The following ADGRB3 variants were observed in gnomAD, a reference collection of about 807,000 sequenced individuals.
The protein encoded by ADGRB3 is adhesion G protein-coupled receptor B3, also known as brain-specific angiogenesis inhibitor 3.
ADGRB3 carries 37 observed loss-of-function variants against 193.4 expected under a neutral mutation model. The observed-to-expected ratio is 0.19, with a 90% CI of 0.15 to 0.25. ADGRB3 has a LOEUF of 0.25. Among genes scored for constraint, ADGRB3 ranks in the 10% least tolerant of loss-of-function variants. The pLI, the probability that ADGRB3 is intolerant of heterozygous loss-of-function variation, is 1.00. For synonymous variants in ADGRB3, 690 were observed against 644.2 expected (o/e 1.07, Z -1.08); for missense variants, 1,637 against 1,852.9 (o/e 0.88, Z 2.14).
chr6:68,903,108 G>A (rs1766443419), intron 3 of ADGRB3, among the ~76,000 whole-genome samples: 1 of 152,114 alleles, frequency 6.6e-6, no homozygotes, highest in African/African-American at 2.4e-5. Context: ...TTTGACTTGA[G>A]CTCACTAGCA....
At chr6:69,267,459 C>T (rs1236599223) in intron 20 of ADGRB3, among the ~76,000 whole-genome samples, 4 of 152,132 alleles carry the variant, frequency 2.6e-5, no homozygotes, top group African/African-American at 9.7e-5. Flanking sequence ...ATCAAAAGTA[C>T]TGAGCTAGCA....
chr6:69,331,003 A>T (rs1005332922), intron 23 of ADGRB3, among the ~76,000 whole-genome samples: 1 of 152,126 alleles, frequency 6.6e-6, no homozygotes, highest in African/African-American at 2.4e-5. Flanking sequence ...TCTCGACCTC[A>T]GTGATACTGA....
chr6:68,943,932 G>T lies in ADGRB3; in HGVS notation c.1133G>T (p.Gly378Val). ...AGGTCATGCACACCTCCTCAGTATG[G>T]AGGAAGGCCGTGTGAAGGACCTGAA... ...RTRSCTPPQY[G>V]GRPCEGPETH... Residue 378 changes from glycine to valine, a missense_variant, in exon 6 of 32, where the codon GGA (glycine) becomes GTA (valine). Physicochemically the swap from Gly to Val is moderately radical, Grantham distance 109. Transcript: ENST00000370598. The T allele has an allele frequency of 6.2e-7, 1 of 1,613,966 alleles. No individual in the cohort carries two copies. Among genetic ancestry groups the T allele is most frequent in the Non-Finnish European group, 8.5e-7 (1 of 1,179,894 alleles).
At chr6:69,063,698 C>T (rs559744538) in intron 16 of ADGRB3, among the ~76,000 whole-genome samples, 2 of 152,098 alleles carry the variant, frequency 1.3e-5, no homozygotes, top group South Asian at 2.1e-4. Flanking sequence ...CAAAATCTTT[C>T]ATCTCAGAAT....
In ADGRB3 at chr6:68,777,303, T is replaced by C. The variant is rs564870183; in HGVS notation, c.757+137871T>C. Among the ~76,000 whole-genome samples, 16 of 152,254 alleles carry C rather than the reference T, an allele frequency of 1.1e-4. No homozygotes were observed. The South Asian group carries it at 2.9e-3, about 28-fold the overall frequency. ...ACTTGCACTATGATGCAATTAGCAA[T>C]TATCTTCAAACGTCAACATTTTGGT... is the stretch of plus-strand genomic sequence containing the variant. On this transcript the variant is annotated intron_variant, in intron 3 of 31. Transcript: ENST00000370598.
At chr6:69,172,854 T>G (rs1775319176) in intron 17 of ADGRB3, among the ~76,000 whole-genome samples, 1 of 151,758 alleles carries the variant, frequency 6.6e-6, no homozygotes, top group South Asian at 2.1e-4. Flanking sequence ...ATCCAGGCAC[T>G]CTGGGCTGAG....
chr6:68,997,063 G>T (rs2150276762), intron 11 of ADGRB3, among the ~76,000 whole-genome samples: 1 of 152,146 alleles, frequency 6.6e-6, no homozygotes, highest in East Asian at 1.9e-4. Flanking sequence ...ATTAAAAATG[G>T]CTGGTAATGT....
chr6:68,811,467 G>A (rs1767511276), intron 3 of ADGRB3, among the ~76,000 whole-genome samples: 1 of 151,962 alleles, frequency 6.6e-6, no homozygotes, highest in Non-Finnish European at 1.5e-5. Flanking sequence ...GATTCTTGGG[G>A]TTCGTTTGTT....
intron 3 of ADGRB3, among the ~76,000 whole-genome samples, chr6:68,710,816 A>G (rs1446761883): frequency 6.6e-6 from 1 of 152,110 alleles, no homozygotes; most frequent in African/African-American, 2.4e-5. Context: ...TTCAGCTGGC[A>G]TCTTTACGGG....
intron 17 of ADGRB3, among the ~76,000 whole-genome samples, chr6:69,167,871 G>T: frequency 6.6e-6 from 1 of 152,036 alleles, no homozygotes. Flanking sequence ...TTGCACTGGG[G>T]TGGTTCATGT....
Position 68,788,719 on chromosome 6 carries a change from C to G in ADGRB3, c.758-141840C>G, listed in dbSNP as rs565996596. ...ATTCCTGGGTATCCTTGTTAACTTT[C>G]TGTCTCTTTGATCTGTCTAACGTTG... On this transcript the variant is annotated intron_variant, in intron 3 of 31. Coordinates refer to ENST00000370598, the MANE Select transcript of ADGRB3 (RefSeq NM_001704.3). Among the ~76,000 whole-genome samples the G allele has an allele frequency of 2.0e-5, 3 of 152,286 alleles. No homozygotes were observed. In the South Asian group the frequency reaches 6.2e-4, roughly 32 times the overall value.
chr6:68,940,777 G>A (rs932765115), intron 5 of ADGRB3, among the ~76,000 whole-genome samples: 4 of 151,646 alleles, frequency 2.6e-5, no homozygotes, highest in Admixed American at 6.6e-5. Flanking sequence ...CTGTAATCCC[G>A]GCTAGTCAGG....
chr6:69,194,175 G>T (rs945435032), intron 17 of ADGRB3, among the ~76,000 whole-genome samples: 2 of 151,876 alleles, frequency 1.3e-5, no homozygotes, highest in African/African-American at 4.8e-5. Context: ...TTTTTTAAAT[G>T]TCATATGATA....
chr6:69,240,884 T>A (rs907111451), intron 20 of ADGRB3, among the ~76,000 whole-genome samples: 2 of 151,960 alleles, frequency 1.3e-5, no homozygotes, highest in Admixed American at 6.6e-5. Flanking sequence ...AGAGCTTTCC[T>A]CTGAAATAGG....
In ADGRB3 at chr6:69,382,855, C is replaced by T; in HGVS notation, c.4300C>T (p.His1434Tyr). The T allele has an allele frequency of 6.2e-7, 1 of 1,607,768 alleles. No homozygotes were observed. The highest frequency in any genetic ancestry group is 2.3e-5 in the East Asian group (1 of 44,430). Residue 1434 changes from histidine (H) to tyrosine (Y), a missense_variant, in exon 31 of 32, where the codon CAT becomes TAT. By Grantham distance (83) the His-to-Tyr change is moderately conservative. Coordinates refer to ENST00000370598, the MANE Select transcript of ADGRB3 (RefSeq NM_001704.3). ...FEKVMHTRKRHMELFQELNQK... is the reference protein window; with the variant it reads ...FEKVMHTRKRYMELFQELNQK... ...GAAGGTCATGCATACAAGGAAGAGG[C>T]ATATGGAACTATTTCAAGAACTAAA... is the stretch of plus-strand genomic sequence containing the variant.
chr6:68,967,576 G>A (rs1043234370), intron 8 of ADGRB3, among the ~76,000 whole-genome samples: 3 of 152,114 alleles, frequency 2.0e-5, no homozygotes, highest in South Asian at 2.1e-4. Flanking sequence ...ACTGGACACG[G>A]CTATCTACTG....
chr6:69,036,162 C>T (rs2210867), intron 13 of ADGRB3, among the ~76,000 whole-genome samples: 64,603 of 151,958 alleles, frequency 0.43, 14,409 homozygotes, highest in African/African-American at 0.47. Context: ...TTCTCAATTT[C>T]GGATCTTCCA....
At chr6:68,885,308 A>G (rs889290145) in intron 3 of ADGRB3, among the ~76,000 whole-genome samples, 3 of 152,212 alleles carry the variant, frequency 2.0e-5, no homozygotes. Flanking sequence ...TACAAAGAGT[A>G]TGGAATGCGA....
intron 14 of ADGRB3, 115 bp from the exon 15 acceptor site, chr6:69,049,156 G>T (rs528341921): frequency 1.4e-6 from 1 of 718,662 alleles, no homozygotes; most frequent in East Asian, 2.9e-5. Context: ...TTTTTACCAG[G>T]CTTTATCTTT....
Sources: allele counts gnomAD v4.1 joint callset (sites outside exome capture counted in the v4.1 genomes callset), GRCh38; gene constraint gnomAD v4.1.1; transcripts MANE v1.5; gene names NCBI Gene and HGNC (gene_info 2026-07-23, HGNC 2026-07-21).